MYH3: variants seen among roughly 807,000 people sequenced by gnomAD.
MYH3 encodes myosin-3.
A neutral mutation model predicts 238.0 loss-of-function variants in MYH3; 130 were observed. The ratio of observed to expected loss-of-function variants is 0.55; its 90% CI spans 0.47 to 0.63. The LOEUF is 0.63. MYH3 is among the 30% of genes least tolerant of loss of function. The pLI, the probability that MYH3 is intolerant of heterozygous loss-of-function variation, is 0.00. For synonymous variants in MYH3, 880 were observed against 924.1 expected, an observed-to-expected ratio of 0.95 and a Z score of 0.86; for missense variants, 1,853 against 2,374.9, an observed-to-expected ratio of 0.78 and a Z score of 4.57.
the MYH3 span, among the ~76,000 whole-genome samples, chr17:10,667,212 C>G: frequency 6.6e-6 from 1 of 152,178 alleles, no homozygotes; most frequent in South Asian, 2.1e-4. Context: ...AAAACCACTT[C>G]TAGGAACCTA....
At chr17:10,656,019 GAGAA>G (rs2074426550) in intron 2 of MYH3, 67 bp downstream of exon 2, 1 of 152,250 alleles carries the variant, frequency 6.6e-6, no homozygotes, top group African/African-American at 2.4e-5. Context: ...TGGGAGGAGG[GAGAA>G]AGGAACTGGC....
In MYH3 at chr17:10,629,708, G is replaced by C. The variant is rs1391154213; in HGVS notation, c.5685C>G (p.Thr1895=). The C allele has an allele frequency of 1.9e-6, 3 of 1,614,204 alleles. No homozygotes were observed. The highest frequency in any genetic ancestry group is 2.5e-6 in the Non-Finnish European group (3 of 1,180,044). ...GCTCATGCTGAGCCTTTCGGAATTT[G>C]GTGAGATGAGCATTGGCTTGTTCAT... ...EADEQANAHL[T]KFRKAQHELE... The change falls in exon 40 of 41, where the codon ACC becomes ACG. Residue 1895 remains threonine, a synonymous_variant. Transcript: ENST00000583535.
intron 4 of MYH3, chr17:10,651,880 A>G (rs1179230080): frequency 2.3e-5 from 14 of 607,460 alleles, no homozygotes; most frequent in Non-Finnish European, 3.7e-5. Flanking sequence ...AGTAGCTGGG[A>G]CTACAGGTAC....
In MYH3 at chr17:10,654,463, C is replaced by G. The variant is rs1344347762; in HGVS notation, c.204+398G>C. Among the ~76,000 whole-genome samples the G allele has an allele frequency of 1.3e-5, 2 of 152,144 alleles. No individual in the cohort carries two copies. The highest frequency in any genetic ancestry group is 2.1e-4 in the South Asian group (1 of 4,832). ...ATCCCTAACACATTTTCCTTACTTC[C>G]TTGGTTAGATGGCCATTGATAGAAT... On this transcript the variant is annotated intron_variant, in intron 3 of 40. Transcript: ENST00000583535. This position sits in a 1 kb window ranked among gnomAD's most constrained non-coding sequence, Gnocchi z 4.5.
Position 10,633,999 on chromosome 17 carries a change from G to A in MYH3, c.4522+18C>T. 6.2e-7 allele frequency: 1 copy of A among 1,612,740 alleles called. No individual in the cohort carries two copies. The highest frequency in any genetic ancestry group is 8.5e-7 in the Non-Finnish European group (1 of 1,179,968). ...GAGCATGAAAGGAGGAGGTTTCAGA[G>A]GGTTTCGAATAGCTTACGCTCTAAG... is the stretch of plus-strand genomic sequence containing the variant. On this transcript the variant is annotated intron_variant, in intron 32 of 40. Coordinates refer to ENST00000583535, the MANE Select transcript of MYH3 (RefSeq NM_002470.4).
At chr17:10,639,905 A>G in intron 22 of MYH3, 91 bp downstream of exon 22, 1 of 1,588,862 alleles carries the variant, frequency 6.3e-7, no homozygotes, top group South Asian at 1.2e-5. Context: ...TCAACTAAAA[A>G]GCAAAAATCC....
In MYH3 at chr17:10,648,599, A is replaced by G. The variant is rs2142416333; in HGVS notation, c.693T>C (p.Phe231=). The part of the protein sequence containing the change: ...IISANPLLEA[F]GNAKTVRNDN... Reference sequence around the variant, plus strand: ...CATTCCTCACAGTCTTGGCGTTCCCAAAGGCCTCCAGCAGGGGATTGGCAC... The same window carrying G: ...CATTCCTCACAGTCTTGGCGTTCCCGAAGGCCTCCAGCAGGGGATTGGCAC... The change falls in exon 8 of 41, where the codon TTT becomes TTC. Residue 231 remains phenylalanine (F), a synonymous_variant. Transcript: ENST00000583535. The G allele has an allele frequency of 6.2e-7, 1 of 1,614,104 alleles. No homozygotes were observed. The highest frequency in any genetic ancestry group is 1.1e-5 in the South Asian group (1 of 91,086).
chr17:10,631,578 C>A, intron 36 of MYH3, 33 bp downstream of exon 36: 1 of 1,614,142 alleles, frequency 6.2e-7, no homozygotes, highest in South Asian at 1.1e-5. Flanking sequence ...GCAATCCCGG[C>A]AGCCCGAGGG....
At chr17:10,640,998 G>A (rs2142401524) in intron 19 of MYH3, 87 bp downstream of exon 19, 1 of 1,107,514 alleles carries the variant, frequency 9.0e-7, no homozygotes, top group South Asian at 1.2e-5. Context: ...TTTCGAAATA[G>A]GTCTTTTCAT....
In MYH3 at chr17:10,628,693, A is replaced by G. The variant is rs2074118172; in HGVS notation, c.5797-14T>C. On this transcript the variant is annotated splice_polypyrimidine_tract_variant and intron_variant, in intron 40 of 40. Transcript: ENST00000583535. ...GTGGACCACCATCTAGGAAGAAAGT[A>G]GGCACCTGGAGTCAAGTCGGGTGGC... is the stretch of plus-strand genomic sequence containing the variant. 3.7e-6 allele frequency: 6 copies of G among 1,614,052 alleles called. No homozygotes were observed. The highest frequency in any genetic ancestry group is 4.2e-6 in the Non-Finnish European group (5 of 1,180,016).
chr17:10,677,638 TTAAGA>T, the MYH3 span: 1 of 152,224 alleles, frequency 6.6e-6, no homozygotes, highest in African/African-American at 2.4e-5. Flanking sequence ...CCTCTTACAC[TTAAGA>T]TATCAGCTGC....
chr17:10,670,739 A>T, the MYH3 span, among the ~76,000 whole-genome samples: 2 of 152,178 alleles, frequency 1.3e-5, no homozygotes, highest in Non-Finnish European at 2.9e-5. This position sits in a 1 kb window ranked among gnomAD's most constrained non-coding sequence, Gnocchi z 7.0. Flanking sequence ...GTGCTTATGC[A>T]AACAATGGGA....
intron 34 of MYH3, 95 bp from the exon 35 acceptor site, chr17:10,632,111 TTTTTGTTTTG>T (rs137999435): frequency 2.3e-5 from 30 of 1,294,828 alleles, no homozygotes; most frequent in African/African-American, 7.3e-5. Context: ...TGTTTGTTTG[TTTTTGTTTTG>T]TTTTGTTTTG....
intron 8 of MYH3, among the ~76,000 whole-genome samples, chr17:10,648,025 C>T (rs1567560487): frequency 6.6e-6 from 1 of 152,206 alleles, no homozygotes; most frequent in Admixed American, 6.5e-5. Flanking sequence ...CCATATCACT[C>T]CCTGGCTTAT....
rs143671201 is a variant in MYH3 at position 10,635,844 on chromosome 17, C to T, written c.3866G>A (p.Ser1289Asn). 2 of 1,612,506 alleles carry T rather than the reference C, an allele frequency of 1.2e-6. No homozygotes were observed. The highest frequency in any genetic ancestry group is 1.7e-6 in the Non-Finnish European group (2 of 1,178,508). The change falls in exon 29 of 41, where the codon AGT becomes AAT. Residue 1289 changes from serine to asparagine, a missense_variant. Transcript: ENST00000583535. ...GCTTTCTTTTTCTTCCAGCTGACGA[C>T]TCAGCTCACCTGTGTCCAGAAGGAA... is the stretch of plus-strand genomic sequence containing the variant. The part of the protein sequence containing the change: ...SRLQTEAGEL[S>N]RQLEEKESIV...
chr17:10,659,634 C>T (rs373962096), upstream of MYH3, among the ~76,000 whole-genome samples: 35 of 152,342 alleles, frequency 2.3e-4, no homozygotes, highest in Admixed American at 5.9e-4. Flanking sequence ...AAGAGGAAGA[C>T]ACGTTCCCCC....
In MYH3 at chr17:10,640,611, C is replaced by T; in HGVS notation, c.2241G>A (p.Leu747=). 6.2e-7 allele frequency: 1 copy of T among 1,614,222 alleles called. No individual in the cohort carries two copies. Among genetic ancestry groups the T allele is most frequent in the Non-Finnish European group, 8.5e-7 (1 of 1,180,038 alleles). The part of the protein sequence containing the change: ...IDSKKACEKL[L]ASIDIDHTQY... ...GAGTGTGGTCAATATCAATGGATGC[C>T]AGAAGCTTTTCACAGGCTTTCTTGC... Residue 747 remains leucine, a synonymous_variant, in exon 20 of 41, where the codon CTG becomes CTA. Transcript: ENST00000583535.
In MYH3 at chr17:10,639,791, AT is replaced by A; in HGVS notation, c.2693del (p.Asn898IlefsTer12). 1 of 1,613,590 alleles carries A rather than the reference AT, an allele frequency of 6.2e-7. No homozygotes were observed. Among genetic ancestry groups the A allele is most frequent in the Non-Finnish European group, 8.5e-7 (1 of 1,179,930 alleles). On this transcript the variant is annotated frameshift_variant, in exon 23 of 41. Coordinates refer to ENST00000583535, the MANE Select transcript of MYH3 (RefSeq NM_002470.4). LOFTEE classifies it high-confidence loss of function. ...LQLQVQAESE[N>X]LLDAEERCDQ... Reference sequence around the variant, plus strand: ...CGCATCTTTCCTCAGCATCCAACAAATTTTCGCTTTCCTTAAAAAAAAAAGA... The same window carrying A: ...CGCATCTTTCCTCAGCATCCAACAAATTTCGCTTTCCTTAAAAAAAAAAGA...
intron 30 of MYH3, 65 bp downstream of exon 30, chr17:10,635,302 A>G: frequency 1.2e-6 from 2 of 1,612,646 alleles, no homozygotes; most frequent in African/African-American, 1.3e-5. Context: ...AACGCCTAGT[A>G]ATAAAAATAA....
Sources: gnomAD v4.1 joint callset for allele counts (sites outside exome capture counted in the v4.1 genomes callset) on GRCh38, gnomAD v4.1.1 for gene constraint, Gnocchi (gnomAD v3.1) non-coding constraint, MANE v1.5 for transcripts, NCBI Gene and HGNC (gene_info 2026-07-23, HGNC 2026-07-21) for gene names.